The following TBC1D16 variants were observed in gnomAD, a reference collection of about 807,000 sequenced individuals.
The protein encoded by TBC1D16 is TBC1 domain family member 16, also known as CTD-2529O21.1.
Under a neutral mutation model 74.7 loss-of-function variants are expected in TBC1D16, and 58 were observed. The ratio of observed to expected loss-of-function variants is 0.78; its 90% CI spans 0.63 to 0.97. The LOEUF (loss-of-function observed/expected upper bound fraction) is 0.97. TBC1D16 is among the 50% of genes least tolerant of loss of function. The pLI is 0.00. For missense variants in TBC1D16, 1,014 were observed against 1,079.5 expected (o/e 0.94, Z 0.85); for synonymous variants, 493 against 474.7 (o/e 1.04, Z -0.50).
chr17:79,963,823 G>A (rs933643904), intron 3 of TBC1D16, among the ~76,000 whole-genome samples: 6 of 152,164 alleles, frequency 3.9e-5, no homozygotes, highest in Non-Finnish European at 5.9e-5. Flanking sequence ...GCATTTCCCC[G>A]ATGATTAATG....
rs565397426 is a variant in TBC1D16 at position 79,949,145 on chromosome 17, A to T, written c.1407-139T>A. On this transcript the variant is annotated intron_variant, in intron 7 of 11. Transcript: ENST00000310924. ...GCTGGGCGGCTGCTGCCGGCTGCAG[A>T]CCCTCCCCGGATGCGGCGGATGGGT... is the stretch of plus-strand genomic sequence containing the variant. 7.3e-6 allele frequency: 8 copies of T among 1,092,160 alleles called. No individual in the cohort carries two copies. The African/African-American group carries it at 1.1e-4, about 15-fold the overall frequency. 67.7% of individuals were successfully genotyped at this position (1,092,160 alleles called of 1,614,324 possible).
chr17:80,022,707 G>A (rs908728089), intron 1 of TBC1D16, among the ~76,000 whole-genome samples: 5 of 148,708 alleles, frequency 3.4e-5, no homozygotes, highest in Non-Finnish European at 5.9e-5. Context: ...CACAATCTTG[G>A]CTCACTGCAA....
intron 3 of TBC1D16, among the ~76,000 whole-genome samples, chr17:79,991,245 C>G (rs186814170): frequency 1.3e-5 from 2 of 152,350 alleles, no homozygotes; most frequent in Non-Finnish European, 1.5e-5. Context: ...TGACACAAAG[C>G]AGGCTGCATC....
At chr17:80,006,119 G>A (rs2035666674) in intron 3 of TBC1D16, among the ~76,000 whole-genome samples, 1 of 152,130 alleles carries the variant, frequency 6.6e-6, no homozygotes, top group African/African-American at 2.4e-5. Flanking sequence ...CCTGCCTGGC[G>A]GGATGGCCAG....
chr17:79,979,282 C>T lies in TBC1D16; in HGVS notation c.780-26464G>A, dbSNP rs1021025159. On this transcript the variant is annotated intron_variant, in intron 3 of 11. Transcript: ENST00000310924. The surrounding 1 kb of genome is among the most constrained non-coding windows in gnomAD (Gnocchi z 4.8). Reference sequence around the variant, plus strand: ...GATGCACACCCACGCCCAGAGCACACGCGCTCCGGGGACGCACACCCACGC... The same window carrying T: ...GATGCACACCCACGCCCAGAGCACATGCGCTCCGGGGACGCACACCCACGC... Among the ~76,000 whole-genome samples the T allele has an allele frequency of 2.6e-5, 4 of 151,132 alleles. No homozygotes were observed. Among genetic ancestry groups the T allele is most frequent in the African/African-American group, 7.3e-5 (3 of 41,088 alleles).
In TBC1D16 at chr17:79,983,352, G is replaced by A. The variant is rs939831396; in HGVS notation, c.779+26808C>T. ...TTGAGTGCACATTGCAGGGCCCAGG[G>A]GCCCCTCGGAGGGGCTCCTGTCCCT... is the stretch of plus-strand genomic sequence containing the variant. On this transcript the variant is annotated intron_variant, in intron 3 of 11. Transcript: ENST00000310924. The surrounding 1 kb of genome is among the most constrained non-coding windows in gnomAD (Gnocchi z 5.6). Among the ~76,000 whole-genome samples, 1 of 152,154 alleles carries A rather than the reference G, an allele frequency of 6.6e-6. No individual in the cohort carries two copies. The highest frequency in any genetic ancestry group is 1.5e-5 in the Non-Finnish European group (1 of 68,020).
chr17:79,988,140 C>G lies in TBC1D16; in HGVS notation c.779+22020G>C, dbSNP rs937936261. On this transcript the variant is annotated intron_variant, in intron 3 of 11. Transcript: ENST00000310924. The surrounding 1 kb of genome is among the most constrained non-coding windows in gnomAD (Gnocchi z 5.7). ...TAGAAGGGAGAGGGGGATGATAGCACGTCCTGCCAGAAGCCGTTTTATTTA... is the reference window on the plus strand; with the variant it reads ...TAGAAGGGAGAGGGGGATGATAGCAGGTCCTGCCAGAAGCCGTTTTATTTA... Among the ~76,000 whole-genome samples the G allele has an allele frequency of 6.6e-6, 1 of 152,204 alleles. No homozygotes were observed. The highest frequency in any genetic ancestry group is 1.5e-5 in the Non-Finnish European group (1 of 68,038).
At chr17:80,024,564 G>GGCACACACATC (rs1598443292) in intron 1 of TBC1D16, among the ~76,000 whole-genome samples, 1 of 130,232 alleles carries the variant, frequency 7.7e-6, no homozygotes, top group South Asian at 2.4e-4. Flanking sequence ...CACCACACAC[G>GGCACACACATC]ACACACCATA....
Position 80,007,832 on chromosome 17 carries a change from G to C in TBC1D16, c.779+2328C>G, listed in dbSNP as rs2035736087. On this transcript the variant is annotated intron_variant, in intron 3 of 11. Coordinates refer to ENST00000310924, the MANE Select transcript of TBC1D16 (RefSeq NM_019020.4). The surrounding 1 kb of genome is among the most constrained non-coding windows in gnomAD (Gnocchi z 4.5). ...ACAGTGGGGGGTGGGGAGGCAGGCAGCATCGCTCAGCAGGGCCAGATGGTG... is the reference window on the plus strand; with the variant it reads ...ACAGTGGGGGGTGGGGAGGCAGGCACCATCGCTCAGCAGGGCCAGATGGTG... Among the ~76,000 whole-genome samples, 2 of 152,138 alleles carry C rather than the reference G, an allele frequency of 1.3e-5. No individual in the cohort carries two copies. Among genetic ancestry groups the C allele is most frequent in the South Asian group, 2.1e-4 (1 of 4,828 alleles).
intron 3 of TBC1D16, among the ~76,000 whole-genome samples, chr17:79,997,456 T>C (rs1488301045): frequency 2.0e-5 from 3 of 152,168 alleles, no homozygotes; most frequent in South Asian, 2.1e-4. Flanking sequence ...TACATTTCTA[T>C]TGGGCACTGT....
At chr17:79,969,862 A>G (rs1441608305) in intron 3 of TBC1D16, among the ~76,000 whole-genome samples, 1 of 152,192 alleles carries the variant, frequency 6.6e-6, no homozygotes, top group African/African-American at 2.4e-5. Context: ...GAATCGCTTG[A>G]ACCCGGGAGG....
chr17:79,977,820 G>T (rs9909193), intron 3 of TBC1D16, among the ~76,000 whole-genome samples: 77,390 of 152,146 alleles, frequency 0.51, 19,853 homozygotes, highest in Middle Eastern at 0.59. Context: ...CCCAGCTCTG[G>T]AGTCTGCTCG....
rs945808211 is a variant in TBC1D16 at position 79,983,820 on chromosome 17, T to C, written c.779+26340A>G. 1.6e-4 allele frequency among the ~76,000 whole-genome samples: 25 copies of C among 152,170 alleles called. No homozygotes were observed. The highest frequency in any genetic ancestry group is 5.8e-4 in the African/African-American group (24 of 41,438). On this transcript the variant is annotated intron_variant, in intron 3 of 11. Coordinates refer to ENST00000310924, the MANE Select transcript of TBC1D16 (RefSeq NM_019020.4). This position sits in a 1 kb window ranked among gnomAD's most constrained non-coding sequence, Gnocchi z 5.6. ...TTATGATTGTGTTTCATGGTTTACA[T>C]GCTACAAATATTCTTTGGCATGTAT...
In TBC1D16 at chr17:79,940,874, G is replaced by A. The variant is rs763080250; in HGVS notation, c.2289C>T (p.Phe763=). 102 of 1,553,810 alleles carry A rather than the reference G, an allele frequency of 6.6e-5. No homozygotes were observed. The highest frequency in any genetic ancestry group is 1.6e-4 in the African/African-American group (12 of 73,782). Residue 763 remains phenylalanine, a synonymous_variant, in exon 12 of 12, where the codon TTC becomes TTT. Coordinates refer to ENST00000310924, the MANE Select transcript of TBC1D16 (RefSeq NM_019020.4). The surrounding 1 kb of genome is among the most constrained non-coding windows in gnomAD (Gnocchi z 5.4). Reference sequence around the variant, plus strand: ...GGGGCCCGACCTATCTGCGGAAGCCGAAGCCGTCCTGCGGCGTCTTTGGGC... The same window carrying A: ...GGGGCCCGACCTATCTGCGGAAGCCAAAGCCGTCCTGCGGCGTCTTTGGGC... The part of the protein sequence containing the change: ...KKGPKTPQDG[F]GFRR
rs2034561717 is a variant in TBC1D16, at chr17:79,981,139, A to G, written c.780-28321T>C. Among the ~76,000 whole-genome samples the G allele has an allele frequency of 6.6e-6, 1 of 152,248 alleles. No homozygotes were observed. Among genetic ancestry groups the G allele is most frequent in the Admixed American group, 6.5e-5 (1 of 15,286 alleles). ...CTCGTGGCAGCAGTGACGGAAGGAC[A>G]GAACTTGTTTAGGCATCGTTTCCTC... On this transcript the variant is annotated intron_variant, in intron 3 of 11. Coordinates refer to ENST00000310924, the MANE Select transcript of TBC1D16 (RefSeq NM_019020.4). This position sits in a 1 kb window ranked among gnomAD's most constrained non-coding sequence, Gnocchi z 6.9.
intron 3 of TBC1D16, among the ~76,000 whole-genome samples, chr17:79,999,545 T>TC (rs2035405235): frequency 7.7e-6 from 1 of 129,088 alleles, no homozygotes; most frequent in Non-Finnish European, 1.7e-5. Flanking sequence ...TTTTTTTTTT[T>TC]TTTTTTTTTT....
rs1352247694 is a variant in TBC1D16, at chr17:79,952,908, C to A, written c.780-90G>T. On this transcript the variant is annotated intron_variant, in intron 3 of 11. Coordinates refer to ENST00000310924, the MANE Select transcript of TBC1D16 (RefSeq NM_019020.4). ...GGGGGTCATGGGGGAGTCATTTAAA[C>A]CTACGCACCAAGCTTAAACACACAT... 3 of 1,462,910 alleles carry A rather than the reference C, an allele frequency of 2.1e-6. No individual in the cohort carries two copies. In the African/African-American group the frequency reaches 4.2e-5, roughly 20 times the overall value. 90.6% of individuals were successfully genotyped at this position (1,462,910 alleles called of 1,614,324 possible). A position where few individuals can be genotyped will look rare whatever the true frequency, so the allele number is the denominator to read the frequency against.
intron 3 of TBC1D16, among the ~76,000 whole-genome samples, chr17:79,953,606 C>G (rs2033186413): frequency 6.6e-6 from 1 of 152,210 alleles, no homozygotes; most frequent in African/African-American, 2.4e-5. Context: ...CATGTTCTCA[C>G]CAGCATACTG....
intron 1 of TBC1D16, among the ~76,000 whole-genome samples, chr17:80,025,551 G>A (rs28622095): frequency 0.32 from 43,462 of 137,598 alleles, 7,826 homozygotes; most frequent in Middle Eastern, 0.53. Context: ...CCTGGCACCT[G>A]GGCTTCGGGG....
Sources: allele counts gnomAD v4.1 joint callset (sites outside exome capture counted in the v4.1 genomes callset), GRCh38; gene constraint gnomAD v4.1.1; non-coding constraint Gnocchi (gnomAD v3.1); transcripts MANE v1.5; gene names NCBI Gene and HGNC (gene_info 2026-07-23, HGNC 2026-07-21).